The following FRRS1 variants were observed in gnomAD, a reference collection of about 807,000 sequenced individuals.
FRRS1 encodes ferric chelate reductase 1.
FRRS1 carries 51 observed loss-of-function variants against 70.7 expected under a neutral mutation model. The observed-to-expected ratio is 0.72, with a 90% CI of 0.58 to 0.91. The LOEUF is 0.91. Ranked by LOEUF, FRRS1 falls within the 40% of genes least tolerant of loss-of-function variation. The pLI is 0.00. For synonymous variants in FRRS1, 225 were observed against 238.7 expected, an observed-to-expected ratio of 0.94 and a Z score of 0.53; for missense variants, 672 against 726.0, an observed-to-expected ratio of 0.93 and a Z score of 0.86.
At position 99,747,638 on chromosome 1, in the gene FRRS1, A is replaced by C. The variant is rs912058529; in HGVS notation, c.197-208T>G. 2.5e-5 allele frequency: 13 copies of C among 512,282 alleles called. 1 individual carries two copies. In the South Asian group the frequency reaches 3.1e-4, roughly 12 times the overall value. 31.7% of individuals were successfully genotyped at this position (512,282 alleles called of 1,614,324 possible). A position where few individuals can be genotyped will look rare whatever the true frequency, so the allele number is the denominator to read the frequency against. On this transcript the variant is annotated intron_variant, in intron 3 of 16. Transcript: ENST00000646001. ...AAGATATTCAATCTGTGAGATATTA[A>C]TAGCCATTCCGCAAAGAGAAAAGAA...
intron 7 of FRRS1, among the ~76,000 whole-genome samples, chr1:99,733,440 T>A (rs540814318): frequency 1.3e-5 from 2 of 152,290 alleles, no homozygotes; most frequent in South Asian, 4.1e-4. Context: ...AAAGCTCTTT[T>A]GAGAAATGAT....
rs146409689 is a variant in FRRS1 at position 99,760,709 on chromosome 1, G to A, written c.-106+5898C>T. Among the ~76,000 whole-genome samples, 1,053 of 152,212 alleles carry A rather than the reference G, an allele frequency of 6.9e-3. 17 individuals are homozygous for A. Among genetic ancestry groups the A allele is most frequent in the African/African-American group, 0.024 (1,007 of 41,520 alleles). On this transcript the variant is annotated intron_variant, in intron 1 of 16. Transcript: ENST00000646001. ...CTGTCGCCCAGGCTGGAGTACCATG[G>A]TGTGATCTTAGCTCACTGCAACCTC...
chr1:99,754,364 A>G (rs1656720398), intron 1 of FRRS1, among the ~76,000 whole-genome samples: 1 of 152,226 alleles, frequency 6.6e-6, no homozygotes, highest in Admixed American at 6.5e-5. Context: ...AAGTAGTCTC[A>G]GCTACTCAAG....
intron 9 of FRRS1, among the ~76,000 whole-genome samples, chr1:99,724,063 C>T (rs1340165101): frequency 6.6e-6 from 1 of 152,144 alleles, no homozygotes; most frequent in Non-Finnish European, 1.5e-5. Flanking sequence ...GACTCCAAGC[C>T]CAACAAGCCT....
intron 9 of FRRS1, among the ~76,000 whole-genome samples, chr1:99,723,361 C>CA (rs1015042803): frequency 2.0e-5 from 3 of 151,782 alleles, no homozygotes; most frequent in African/African-American, 7.3e-5. Flanking sequence ...ACAAAAAATA[C>CA]AAAAAATTAG....
intron 14 of FRRS1, 36 bp downstream of exon 14, chr1:99,712,069 A>C: frequency 7.1e-7 from 1 of 1,410,214 alleles, no homozygotes; most frequent in Non-Finnish European, 9.9e-7. Flanking sequence ...AGCAGCTAGC[A>C]ATTATATATG....
intron 1 of FRRS1, among the ~76,000 whole-genome samples, chr1:99,756,464 A>G (rs1045752251): frequency 4.6e-5 from 7 of 152,298 alleles, no homozygotes; most frequent in African/African-American, 1.4e-4. Context: ...TATATTCTTC[A>G]TTATGTAAAT....
chr1:99,752,869 G>A (rs1324164461), intron 1 of FRRS1, among the ~76,000 whole-genome samples: 3 of 152,170 alleles, frequency 2.0e-5, no homozygotes, highest in African/African-American at 7.2e-5. Context: ...GCTCAATGAG[G>A]AGTTGCCACA....
Position 99,709,191 on chromosome 1 carries a change from G to A in FRRS1, c.1686+7C>T. On this transcript the variant is annotated splice_region_variant and intron_variant, in intron 16 of 16. Transcript: ENST00000646001. ...GGTTTGTGTCAATGAACAAGAAAAG[G>A]ACTTACCTCTGTTTCCACTGCAGTA... 1.2e-6 allele frequency: 2 copies of A among 1,608,964 alleles called. No individual in the cohort carries two copies. Among genetic ancestry groups the A allele is most frequent in the Non-Finnish European group, 1.7e-6 (2 of 1,175,564 alleles).
chr1:99,733,943 A>T (rs1655524661), intron 7 of FRRS1, among the ~76,000 whole-genome samples: 1 of 152,242 alleles, frequency 6.6e-6, no homozygotes, highest in South Asian at 2.1e-4. Context: ...TAGCATCATC[A>T]ATAATAGAAC....
At chr1:99,720,675 T>G in intron 9 of FRRS1, among the ~76,000 whole-genome samples, 1 of 152,176 alleles carries the variant, frequency 6.6e-6, no homozygotes, top group East Asian at 1.9e-4. Flanking sequence ...TTTATAAAAC[T>G]ACTCTTTTTA....
intron 1 of FRRS1, among the ~76,000 whole-genome samples, chr1:99,764,372 C>G (rs375523680): frequency 6.6e-6 from 1 of 151,998 alleles, no homozygotes; most frequent in African/African-American, 2.4e-5. Context: ...CTTTAATGCC[C>G]TTTATAATGT....
intron 6 of FRRS1, among the ~76,000 whole-genome samples, chr1:99,739,512 A>G (rs1391325087): frequency 6.6e-6 from 1 of 152,240 alleles, no homozygotes; most frequent in Non-Finnish European, 1.5e-5. Flanking sequence ...ATAATAATGT[A>G]ATCAAATATA....
Position 99,729,714 on chromosome 1 carries a change from T to C in FRRS1, c.794A>G (p.Asp265Gly). ...GGAAGGCTGGATGTACACAGTCTGA[T>C]CTTCATGAATACACAGATAAGCATC... ...DDDAYLCIHEDQTVYIQPSHL... is the reference protein window; with the variant it reads ...DDDAYLCIHEGQTVYIQPSHL... The change falls in exon 8 of 17, where the codon GAT becomes GGT. Residue 265 changes from aspartate to glycine, a missense_variant. By Grantham distance (94) the Asp-to-Gly change is moderately conservative. Transcript: ENST00000646001. 6.2e-7 allele frequency: 1 copy of C among 1,613,412 alleles called. No homozygotes were observed. Among genetic ancestry groups the C allele is most frequent in the South Asian group, 1.1e-5 (1 of 91,002 alleles).
intron 9 of FRRS1, among the ~76,000 whole-genome samples, chr1:99,726,780 C>T (rs1396292821): frequency 6.6e-6 from 1 of 152,222 alleles, no homozygotes; most frequent in Non-Finnish European, 1.5e-5. Context: ...AATCATAGCT[C>T]ACTGCAGCCT....
chr1:99,748,618 T>C lies in FRRS1; in HGVS notation c.151A>G (p.Ile51Val). Residue 51 changes from isoleucine to valine, a missense_variant, in exon 3 of 17, where the codon ATT (isoleucine) becomes GTT (valine). Transcript: ENST00000646001. ...HSPQSVPVHD[I>V]YVSQMTFRPG... is the part of the protein sequence containing the mutation. The stretch of plus-strand genomic sequence containing the variant: ...CTGAATGTCATCTGACTCACGTAAA[T>C]GTCATGAACAGGAACAGACTGTGGA... 4 of 1,614,110 alleles carry C rather than the reference T, an allele frequency of 2.5e-6. No homozygotes were observed. Among genetic ancestry groups the C allele is most frequent in the Non-Finnish European group, 3.4e-6 (4 of 1,179,956 alleles).
At chr1:99,761,324 G>C (rs1037144551) in intron 1 of FRRS1, among the ~76,000 whole-genome samples, 1 of 151,790 alleles carries the variant, frequency 6.6e-6, no homozygotes, top group African/African-American at 2.4e-5. Context: ...GACAGGGTCT[G>C]ACTATATTAC....
chr1:99,704,113 C>T lies in FRRS1; in HGVS notation c.*4915G>A, dbSNP rs1246446987. Among the ~76,000 whole-genome samples the T allele has an allele frequency of 1.3e-5, 2 of 152,120 alleles. No homozygotes were observed. The highest frequency in any genetic ancestry group is 2.9e-5 in the Non-Finnish European group (2 of 68,030). On this transcript the variant is annotated 3_prime_UTR_variant, in exon 17 of 17. Coordinates refer to ENST00000646001, the MANE Select transcript of FRRS1 (RefSeq NM_001361041.2). ...GCAAAGACATCATCAAAAACATGTA[C>T]GAAGCAAGCACCTTTTGCTGGCATC... is the stretch of plus-strand genomic sequence containing the variant.
chr1:99,725,514 C>T (rs1441280279), intron 9 of FRRS1, among the ~76,000 whole-genome samples: 4 of 152,166 alleles, frequency 2.6e-5, no homozygotes, highest in Admixed American at 6.5e-5. Context: ...ACAAAAGAGA[C>T]TCAGTGGGTC....
Sources: gnomAD v4.1 joint callset for allele counts (sites outside exome capture counted in the v4.1 genomes callset) on GRCh38, gnomAD v4.1.1 for gene constraint, MANE v1.5 for transcripts, NCBI Gene and HGNC (gene_info 2026-07-23, HGNC 2026-07-21) for gene names.